NCAM2: variants seen among roughly 807,000 people sequenced by gnomAD.
NCAM2 encodes neural cell adhesion molecule 2.
A neutral mutation model predicts 98.1 loss-of-function variants in NCAM2; 30 were observed. The observed-to-expected ratio is 0.31, with a 90% CI of 0.23 to 0.41. The LOEUF is 0.41. Ranked by LOEUF, NCAM2 falls within the 10% of genes least tolerant of loss-of-function variation. The probability of loss-of-function intolerance (pLI) is 1.00; values close to 1 mark genes in which losing one functional copy is unlikely to be tolerated. For synonymous variants in NCAM2, 368 were observed against 342.4 expected (o/e 1.07, Z -0.83); for missense variants, 867 against 1,005.8 (o/e 0.86, Z 1.87).
intron 8 of NCAM2, among the ~76,000 whole-genome samples, chr21:21,369,988 C>T (rs112509786): frequency 2.6e-5 from 4 of 151,742 alleles, no homozygotes; most frequent in East Asian, 1.9e-4. Flanking sequence ...CACTCTTTAA[C>T]GACCCCAAGT....
At chr21:21,534,468 C>T (rs1989876479) in intron 16 of NCAM2, 69 bp from the exon 17 acceptor site, 3 of 1,295,652 alleles carry the variant, frequency 2.3e-6, no homozygotes, top group Non-Finnish European at 3.1e-6. Flanking sequence ...TGATTTTAAA[C>T]TCTGTTTTTT....
At chr21:21,416,978 T>C (rs1372011540) in intron 10 of NCAM2, among the ~76,000 whole-genome samples, 2 of 152,068 alleles carry the variant, frequency 1.3e-5, no homozygotes, top group Non-Finnish European at 2.9e-5. Flanking sequence ...AGGTTGCTTA[T>C]TTAAGATGAA....
At chr21:21,113,402 A>G (rs1490262775) in intron 1 of NCAM2, among the ~76,000 whole-genome samples, 2 of 151,854 alleles carry the variant, frequency 1.3e-5, no homozygotes, top group East Asian at 1.9e-4. Flanking sequence ...TTTTATATCT[A>G]AGCACTTAAC....
chr21:21,346,915 C>T (rs1041506898), intron 8 of NCAM2, among the ~76,000 whole-genome samples: 2 of 150,796 alleles, frequency 1.3e-5, no homozygotes, highest in African/African-American at 4.9e-5. Context: ...GAGCCTCCAT[C>T]AAAAAAAGAG....
At chr21:21,118,548 A>G (rs2146555743) in intron 1 of NCAM2, among the ~76,000 whole-genome samples, 1 of 152,258 alleles carries the variant, frequency 6.6e-6, no homozygotes, top group East Asian at 1.9e-4. Flanking sequence ...CATCTACTTT[A>G]TGGTCTTGGA....
intron 1 of NCAM2, among the ~76,000 whole-genome samples, chr21:21,175,096 A>G (rs547601598): frequency 2.8e-3 from 419 of 152,296 alleles, no homozygotes; most frequent in Non-Finnish European, 3.9e-3. Flanking sequence ...GAAAAATAAC[A>G]TAATTTGATA....
Position 21,539,933 on chromosome 21 carries a change from A to T in NCAM2, c.*1976A>T, listed in dbSNP as rs373450121. On this transcript the variant is annotated 3_prime_UTR_variant, in exon 18 of 18. Coordinates refer to ENST00000400546, the MANE Select transcript of NCAM2 (RefSeq NM_004540.5). Reference sequence around the variant, plus strand: ...TATTTTGTTGTTTGTTTTGTTTTGTACCAGTGTACTAAAACTAGTCAAAAT... The same window carrying T: ...TATTTTGTTGTTTGTTTTGTTTTGTTCCAGTGTACTAAAACTAGTCAAAAT... 16 of 152,176 alleles carry T rather than the reference A, an allele frequency of 1.1e-4. 1 individual carries two copies. Among genetic ancestry groups the T allele is most frequent in the African/African-American group, 3.6e-4 (15 of 41,532 alleles). The allele number at this position is 152,176 out of a possible 1,614,324, so 9.4% of individuals were successfully genotyped here.
intron 1 of NCAM2, among the ~76,000 whole-genome samples, chr21:21,063,321 T>A (rs2065362030): frequency 7.0e-6 from 1 of 142,152 alleles, no homozygotes. Flanking sequence ...TGGGTTCAAG[T>A]GATTCTCTTG....
intron 12 of NCAM2, among the ~76,000 whole-genome samples, chr21:21,454,969 T>C (rs1981909990): frequency 1.3e-5 from 2 of 151,918 alleles, no homozygotes; most frequent in Admixed American, 1.3e-4. Flanking sequence ...ACATTTTCCT[T>C]CTCTAGATAC....
chr21:21,505,014 C>T (rs559847402), intron 15 of NCAM2, among the ~76,000 whole-genome samples: 3 of 151,882 alleles, frequency 2.0e-5, no homozygotes, highest in East Asian at 3.9e-4. Flanking sequence ...TATTAAATAC[C>T]TGATCTTATT....
chr21:21,223,386 A>C (rs182176438), intron 1 of NCAM2: 1 of 152,242 alleles, frequency 6.6e-6, no homozygotes, highest in East Asian at 1.9e-4. Flanking sequence ...CTCTGCTTTA[A>C]AACTCATTAC....
intron 1 of NCAM2, among the ~76,000 whole-genome samples, chr21:21,222,605 A>G (rs2070215180): frequency 6.6e-6 from 1 of 152,174 alleles, no homozygotes; most frequent in South Asian, 2.1e-4. Context: ...GTGGAGCATG[A>G]CGATGTGACA....
chr21:21,444,193 A>G (rs1448504747), intron 12 of NCAM2, among the ~76,000 whole-genome samples: 2 of 152,182 alleles, frequency 1.3e-5, no homozygotes, highest in African/African-American at 2.4e-5. Context: ...TGACTTGATC[A>G]TGGTGGGTAA....
At chr21:21,109,919 T>C (rs1198961361) in intron 1 of NCAM2, among the ~76,000 whole-genome samples, 1 of 152,206 alleles carries the variant, frequency 6.6e-6, no homozygotes, top group Non-Finnish European at 1.5e-5. Flanking sequence ...CTGTGTATAA[T>C]TCAAGCTAAA....
chr21:21,370,962 G>T (rs1171169909), intron 8 of NCAM2, among the ~76,000 whole-genome samples: 1 of 151,766 alleles, frequency 6.6e-6, no homozygotes, highest in Non-Finnish European at 1.5e-5. Flanking sequence ...AAAAGAGAAA[G>T]ACAGGAGGAC....
intron 1 of NCAM2, among the ~76,000 whole-genome samples, chr21:21,084,870 T>C (rs1237466076): frequency 6.6e-6 from 1 of 152,182 alleles, no homozygotes; most frequent in Non-Finnish European, 1.5e-5. Context: ...ATAGTAAAAA[T>C]AGTACCTTTT....
intron 9 of NCAM2, 121 bp from the exon 10 acceptor site, chr21:21,410,153 C>A: frequency 5.2e-6 from 3 of 580,760 alleles, no homozygotes; most frequent in Non-Finnish European, 5.2e-6. Context: ...AAAAAAAATA[C>A]ACGAAATTAG....
At chr21:21,187,417 A>G (rs1259704330) in intron 1 of NCAM2, among the ~76,000 whole-genome samples, 2 of 151,954 alleles carry the variant, frequency 1.3e-5, no homozygotes, top group East Asian at 1.9e-4. Context: ...TTTAGCCTCC[A>G]ACCTCCATAT....
At chr21:21,179,287 C>T (rs951673588) in intron 1 of NCAM2, among the ~76,000 whole-genome samples, 2 of 151,688 alleles carry the variant, frequency 1.3e-5, no homozygotes, top group Non-Finnish European at 2.9e-5. Context: ...TGTCTACTAA[C>T]TATATTTGCT....
Sources: allele counts gnomAD v4.1 joint callset (sites outside exome capture counted in the v4.1 genomes callset), GRCh38; gene constraint gnomAD v4.1.1; transcripts MANE v1.5; gene names NCBI Gene and HGNC (gene_info 2026-07-23, HGNC 2026-07-21).